The following TRA2A variants were observed in gnomAD, a reference collection of about 807,000 sequenced individuals.
TRA2A encodes the protein transformer 2 alpha homolog.
In TRA2A, 31 loss-of-function variants were observed where a neutral mutation model predicts 45.7. That is an observed-to-expected ratio of 0.68 (90% CI 0.51 to 0.92). The LOEUF is 0.92. TRA2A is among the 40% of genes least tolerant of loss of function. The pLI is 0.00. For missense variants in TRA2A, 304 were observed against 367.5 expected, an observed-to-expected ratio of 0.83 and a Z score of 1.41; for synonymous variants, 132 against 126.2, an observed-to-expected ratio of 1.05 and a Z score of -0.31.
chr7:23,518,602 A>G (rs1015414046), intron 2 of TRA2A, among the ~76,000 whole-genome samples: 5 of 151,184 alleles, frequency 3.3e-5, no homozygotes, highest in African/African-American at 1.2e-4. Flanking sequence ...CAGCCTCCCA[A>G]AGCACTGGGA....
chr7:23,516,026 G>T (rs1201420180), intron 3 of TRA2A, among the ~76,000 whole-genome samples: 1 of 151,968 alleles, frequency 6.6e-6, no homozygotes, highest in African/African-American at 2.4e-5. Flanking sequence ...ACAAAAATTA[G>T]CTGGGTGTGG....
Position 23,523,501 on chromosome 7 carries a change from G to A in TRA2A, c.37-1661C>T, listed in dbSNP as rs182760192. Among the ~76,000 whole-genome samples, 59 of 152,244 alleles carry A rather than the reference G, an allele frequency of 3.9e-4. No individual in the cohort carries two copies. The East Asian group carries it at 0.011, about 28-fold the overall frequency. On this transcript the variant is annotated intron_variant, in intron 1 of 7. Transcript: ENST00000297071. Reference sequence around the variant, plus strand: ...TCACACCAATTTATTTATGCCTTAAGACTATCACACAACTCAAACAGCTTT... The same window carrying A: ...TCACACCAATTTATTTATGCCTTAAAACTATCACACAACTCAAACAGCTTT...
chr7:23,521,231 A>G (rs1790122185), intron 2 of TRA2A, among the ~76,000 whole-genome samples: 1 of 152,038 alleles, frequency 6.6e-6, no homozygotes, highest in African/African-American at 2.4e-5. Context: ...ACCAACCAGC[A>G]TAGCATACAC....
chr7:23,517,096 T>C (rs1789908665), intron 2 of TRA2A, among the ~76,000 whole-genome samples: 1 of 151,748 alleles, frequency 6.6e-6, no homozygotes, highest in Admixed American at 6.6e-5. Flanking sequence ...AGAACGAGAC[T>C]CTGTCTCAAA....
At chr7:23,528,167 T>C (rs1418134552) in intron 1 of TRA2A, among the ~76,000 whole-genome samples, 1 of 152,178 alleles carries the variant, frequency 6.6e-6, no homozygotes, top group Non-Finnish European at 1.5e-5. Flanking sequence ...ATCTTAAAAC[T>C]TCATACACAA....
chr7:23,508,899 G>A (rs569773180), intron 4 of TRA2A, among the ~76,000 whole-genome samples: 64 of 152,296 alleles, frequency 4.2e-4, no homozygotes, highest in African/African-American at 1.3e-3. Flanking sequence ...AGCATGAGCC[G>A]CCTTGCACAG....
chr7:23,515,863 C>A (rs1442245574), intron 3 of TRA2A, among the ~76,000 whole-genome samples: 1 of 150,954 alleles, frequency 6.6e-6, no homozygotes, highest in Non-Finnish European at 1.5e-5. Flanking sequence ...CCTTTTTACT[C>A]AAACGTCATG....
At chr7:23,509,216 A>C (rs1789482285) in intron 4 of TRA2A, among the ~76,000 whole-genome samples, 1 of 152,146 alleles carries the variant, frequency 6.6e-6, no homozygotes, top group Non-Finnish European at 1.5e-5. Context: ...CTTCCATTTG[A>C]AGTTCCAAAA....
intron 1 of TRA2A, among the ~76,000 whole-genome samples, chr7:23,530,181 A>G (rs1790512440): frequency 6.6e-6 from 1 of 152,174 alleles, no homozygotes; most frequent in African/African-American, 2.4e-5. Context: ...AACTACTATC[A>G]TATATGTTTA....
chr7:23,529,685 C>A (rs961532039), intron 1 of TRA2A, among the ~76,000 whole-genome samples: 2 of 152,086 alleles, frequency 1.3e-5, no homozygotes, highest in African/African-American at 4.8e-5. Flanking sequence ...TAAAAAGATA[C>A]AACAGGTGAG....
intron 3 of TRA2A, among the ~76,000 whole-genome samples, chr7:23,515,228 T>C (rs917045375): frequency 1.7e-3 from 245 of 140,822 alleles, no homozygotes; most frequent in African/African-American, 6.0e-3. Flanking sequence ...TATTTCTTTT[T>C]TTTTTTTTTT....
intron 1 of TRA2A, among the ~76,000 whole-genome samples, chr7:23,528,242 G>C (rs966009867): frequency 2.0e-5 from 3 of 151,956 alleles, no homozygotes; most frequent in Non-Finnish European, 2.9e-5. Context: ...GACGAGTCTC[G>C]CTCTATTGCC....
intron 4 of TRA2A, among the ~76,000 whole-genome samples, chr7:23,507,884 C>A (rs900572275): frequency 9.9e-5 from 15 of 152,114 alleles, no homozygotes; most frequent in Non-Finnish European, 1.9e-4. Context: ...TCCATGAGAT[C>A]AACAGGGGAG....
intron 2 of TRA2A, among the ~76,000 whole-genome samples, chr7:23,516,837 C>T (rs1289229658): frequency 2.0e-5 from 3 of 152,144 alleles, no homozygotes; most frequent in East Asian, 1.9e-4. Flanking sequence ...TGGCCGGGTG[C>T]GGTGGCTCAT....
intron 1 of TRA2A, chr7:23,531,309 TC>T (rs1790572274): frequency 1.4e-5 from 13 of 949,172 alleles, no homozygotes; most frequent in Non-Finnish European, 1.5e-5. Flanking sequence ...CCCCAGCTAG[TC>T]CCACGCCAGC....
chr7:23,522,455 G>A, intron 1 of TRA2A: 1 of 1,165,212 alleles, frequency 8.6e-7, no homozygotes. Flanking sequence ...AGAACATTTA[G>A]TATATTTAAG....
intron 1 of TRA2A, chr7:23,531,297 G>T: frequency 1.0e-6 from 1 of 980,208 alleles, no homozygotes; most frequent in East Asian, 1.1e-4. Flanking sequence ...AGGAGACACA[G>T]GCCCCAGCTA....
intron 2 of TRA2A, among the ~76,000 whole-genome samples, chr7:23,519,860 A>G (rs755323769): frequency 4.6e-5 from 7 of 152,230 alleles, no homozygotes; most frequent in Non-Finnish European, 7.3e-5. Flanking sequence ...TTTTAAAATG[A>G]AGAAAAAAAA....
rs1426320394 is a variant in TRA2A at position 23,522,477 on chromosome 7, T to C, written c.37-637A>G. The C allele has an allele frequency of 5.3e-6, 5 of 941,798 alleles. No homozygotes were observed. The South Asian group carries it at 1.1e-4, about 21-fold the overall frequency. 58.3% of individuals were successfully genotyped at this position (941,798 alleles called of 1,614,324 possible). Reference sequence around the variant, plus strand: ...TTAGTATATTTAAGCACGTGGGGATTATAAAACTCTGCTGGAGTTCAGAAT... The same window carrying C: ...TTAGTATATTTAAGCACGTGGGGATCATAAAACTCTGCTGGAGTTCAGAAT... On this transcript the variant is annotated intron_variant, in intron 1 of 7. Transcript: ENST00000297071.
Sources: gnomAD v4.1 joint callset for allele counts (sites outside exome capture counted in the v4.1 genomes callset) on GRCh38, gnomAD v4.1.1 for gene constraint, MANE v1.5 for transcripts, NCBI Gene and HGNC (gene_info 2026-07-23, HGNC 2026-07-21) for gene names.